Variants in SCTR observed in about 807,000 individuals in gnomAD.
The protein encoded by SCTR is secretin receptor, also known as pancreatic secretin receptor.
Under a neutral mutation model 60.8 loss-of-function variants are expected in SCTR, and 56 were observed. That is an observed-to-expected ratio of 0.92 (90% CI 0.74 to 1.15). The LOEUF (loss-of-function observed/expected upper bound fraction) is 1.15, where lower values mean the gene tolerates loss of function less well. SCTR is among the 50% of genes most tolerant of loss of function. The probability of loss-of-function intolerance (pLI) is 0.00; values close to 1 mark genes in which losing one functional copy is unlikely to be tolerated. For missense variants in SCTR, 562 were observed against 550.4 expected (o/e 1.02, Z -0.21); for synonymous variants, 202 against 217.0 (o/e 0.93, Z 0.61).
chr2:119,454,116 G>C (rs1481085764), intron 7 of SCTR, among the ~76,000 whole-genome samples: 2 of 152,182 alleles, frequency 1.3e-5, no homozygotes, highest in Non-Finnish European at 2.9e-5. Flanking sequence ...GCCTGCCAGA[G>C]GAGTGGCAGC....
At chr2:119,477,480 T>G (rs1965793) in intron 3 of SCTR, among the ~76,000 whole-genome samples, 89,275 of 151,840 alleles carry the variant, frequency 0.59, 27,731 homozygotes, top group Non-Finnish European at 0.69. Flanking sequence ...TGACAGAGTC[T>G]CACTCTGTCG....
intron 11 of SCTR, among the ~76,000 whole-genome samples, chr2:119,444,446 TAC>T (rs1236742759): frequency 4.4e-5 from 5 of 113,494 alleles, no homozygotes; most frequent in Non-Finnish European, 6.8e-5. Context: ...CACATATATA[TAC>T]GTACGTATAT....
chr2:119,492,558 TATAAC>T (rs1180691864), intron 2 of SCTR, among the ~76,000 whole-genome samples: 1 of 152,250 alleles, frequency 6.6e-6, no homozygotes, highest in East Asian at 1.9e-4. Flanking sequence ...AGAAAAATCA[TATAAC>T]ATAACACTAA....
chr2:119,484,564 T>G (rs953436506), intron 2 of SCTR, among the ~76,000 whole-genome samples: 1 of 152,208 alleles, frequency 6.6e-6, no homozygotes, highest in African/African-American at 2.4e-5. Flanking sequence ...ATCTATAAAA[T>G]GGGCACAGTA....
At chr2:119,520,967 G>T (rs1046130302) in intron 1 of SCTR, among the ~76,000 whole-genome samples, 1 of 152,172 alleles carries the variant, frequency 6.6e-6, no homozygotes, top group Admixed American at 6.5e-5. Flanking sequence ...ATTTGGCAAT[G>T]TCTAGAGATA....
intron 1 of SCTR, among the ~76,000 whole-genome samples, chr2:119,519,228 G>A (rs965758921): frequency 6.6e-6 from 1 of 152,072 alleles, no homozygotes; most frequent in Admixed American, 6.5e-5. Context: ...ACCCGCCTCG[G>A]CCTCCCAAAG....
At position 119,461,857 on chromosome 2, in the gene SCTR, T is replaced by C; in HGVS notation, c.780A>G (p.Ala260=). The C allele has an allele frequency of 6.2e-7, 1 of 1,613,100 alleles. No homozygotes were observed. Among genetic ancestry groups the C allele is most frequent in the Non-Finnish European group, 8.5e-7 (1 of 1,179,510 alleles). The part of the protein sequence containing the change: ...SERKYLQGFV[A]FGWGSPAIFV... ...CAGGGAGAAACATACCCCATCCGAA[T>C]GCCACAAATCCCTGGAGGTACTTTC... The change falls in exon 7 of 13, where the codon GCA becomes GCG. Residue 260 remains alanine (A), a synonymous_variant. Coordinates refer to ENST00000019103, the MANE Select transcript of SCTR (RefSeq NM_002980.3).
chr2:119,491,339 T>C (rs1678118928), intron 2 of SCTR, among the ~76,000 whole-genome samples: 1 of 152,148 alleles, frequency 6.6e-6, no homozygotes, highest in African/African-American at 2.4e-5. Context: ...GGATCCCTCA[T>C]GTCTGTGCCC....
At chr2:119,522,541 G>A (rs149667468) in intron 1 of SCTR, among the ~76,000 whole-genome samples, 4 of 152,224 alleles carry the variant, frequency 2.6e-5, no homozygotes, top group African/African-American at 9.6e-5. Context: ...GCATAATGAA[G>A]CATCCTTCCA....
At chr2:119,449,540 C>T (rs892816342) in intron 9 of SCTR, among the ~76,000 whole-genome samples, 15 of 152,100 alleles carry the variant, frequency 9.9e-5, no homozygotes, top group Non-Finnish European at 1.5e-4. Context: ...AGGACAGGAA[C>T]GCAGTCTTTT....
chr2:119,453,536 G>A (rs1372384212), intron 7 of SCTR, among the ~76,000 whole-genome samples, 189 bp from the exon 8 acceptor site: 1 of 152,214 alleles, frequency 6.6e-6, no homozygotes, highest in African/African-American at 2.4e-5. Context: ...CAAGGGTGCC[G>A]GGCATGCCCT....
At chr2:119,477,498 T>A (rs940853137) in intron 3 of SCTR, among the ~76,000 whole-genome samples, 1 of 152,066 alleles carries the variant, frequency 6.6e-6, no homozygotes, top group Non-Finnish European at 1.5e-5. Context: ...TCGCCCAGGC[T>A]GGGGTGCAGT....
At chr2:119,443,450 AT>A (rs1040419982) in intron 11 of SCTR, among the ~76,000 whole-genome samples, 16 of 152,144 alleles carry the variant, frequency 1.1e-4, no homozygotes, top group Admixed American at 7.9e-4. Context: ...GACGTTCTAG[AT>A]TTTTTTCTTA....
chr2:119,494,479 C>A lies in SCTR; in HGVS notation c.142G>T (p.Glu48Ter), dbSNP rs1453861529. 10 of 1,613,922 alleles carry A rather than the reference C, an allele frequency of 6.2e-6. No individual in the cohort carries two copies. In the African/African-American group the frequency reaches 1.3e-4, roughly 22 times the overall value. ...LWEEQDQCLQ[E>*]LSREQTGDLG... is the part of the protein sequence containing the mutation. ...TCTCCTGTCTGCTCTCTGGAGAGTT[C>A]CTGCAGGCACTGGTCTTGCTCTTCC... Residue 48 changes from glutamate (E) to a stop codon, truncating the protein, a stop_gained, in exon 2 of 13, where the codon GAA (glutamate) becomes TAA (stop). Coordinates refer to ENST00000019103, the MANE Select transcript of SCTR (RefSeq NM_002980.3). LOFTEE classifies it high-confidence loss of function.
At chr2:119,492,668 T>C (rs1573897700) in intron 2 of SCTR, among the ~76,000 whole-genome samples, 1 of 152,242 alleles carries the variant, frequency 6.6e-6, no homozygotes, top group Non-Finnish European at 1.5e-5. Flanking sequence ...AACACATTTT[T>C]ACCAATTCCA....
chr2:119,486,649 C>T (rs1677879433), intron 2 of SCTR: 1 of 152,186 alleles, frequency 6.6e-6, no homozygotes, highest in Non-Finnish European at 1.5e-5. Flanking sequence ...GACTGGACGG[C>T]AAAGCTGAGT....
chr2:119,477,012 G>A, intron 3 of SCTR: 1 of 152,416 alleles, frequency 6.6e-6, no homozygotes, highest in Non-Finnish European at 1.5e-5. Flanking sequence ...GTGGGAAGGA[G>A]AAAAAGGAAA....
At chr2:119,493,385 C>G (rs1374287610) in intron 2 of SCTR, among the ~76,000 whole-genome samples, 1 of 152,144 alleles carries the variant, frequency 6.6e-6, no homozygotes, top group Non-Finnish European at 1.5e-5. Flanking sequence ...GTACAGATGT[C>G]CATTTGAACC....
chr2:119,478,840 C>T lies in SCTR; in HGVS notation c.272G>A (p.Arg91Lys), dbSNP rs1677461897. The T allele has an allele frequency of 6.2e-7, 1 of 1,614,076 alleles. No individual in the cohort carries two copies. Among genetic ancestry groups the T allele is most frequent in the African/African-American group, 1.3e-5 (1 of 74,928 alleles). The stretch of plus-strand genomic sequence containing the variant: ...TCTGCTGGTGAGCATCCGGAGGAAT[C>T]TCGGGCATTCCACCTCCACCATCCG... ...PGRMVEVECP[R>K]FLRMLTSRNG... Residue 91 changes from arginine to lysine, a missense_variant, in exon 3 of 13, where the codon AGA (arginine) becomes AAA (lysine). By Grantham distance (26) the Arg-to-Lys change is conservative. Transcript: ENST00000019103.
Sources: allele counts gnomAD v4.1 joint callset (sites outside exome capture counted in the v4.1 genomes callset), GRCh38; gene constraint gnomAD v4.1.1; transcripts MANE v1.5; gene names NCBI Gene and HGNC (gene_info 2026-07-23, HGNC 2026-07-21).